Variants in PRIM2 observed in about 807,000 individuals in gnomAD.
The protein encoded by PRIM2 is DNA primase large subunit.
A neutral mutation model predicts 67.3 loss-of-function variants in PRIM2; 39 were observed. That is an observed-to-expected ratio of 0.58 (90% confidence interval 0.45 to 0.76). PRIM2 has a LOEUF of 0.76. PRIM2 is among the 30% of genes least tolerant of loss of function. The pLI is 0.00. For missense variants in PRIM2, 398 were observed against 598.7 expected (o/e 0.66, Z 3.50); for synonymous variants, 143 against 198.7 (o/e 0.72, Z 2.36).
intron 7 of PRIM2, among the ~76,000 whole-genome samples, chr6:57,387,299 CAG>C (rs1165807445): frequency 2.0e-5 from 3 of 152,134 alleles, no homozygotes; most frequent in Non-Finnish European, 2.9e-5. Flanking sequence ...ATTGAACTGA[CAG>C]ATACCAAATA....
At chr6:57,587,584 A>C (rs1776213911) in intron 10 of PRIM2, among the ~76,000 whole-genome samples, 1 of 138,726 alleles carries the variant, frequency 7.2e-6, no homozygotes, top group African/African-American at 2.6e-5. Context: ...GAAAGGCGTG[A>C]ACTCGGGAGG....
intron 10 of PRIM2, among the ~76,000 whole-genome samples, chr6:57,595,739 C>T (rs1420532597): frequency 3.3e-5 from 5 of 152,162 alleles, no homozygotes; most frequent in East Asian, 3.9e-4. Context: ...ATGTAGGAAG[C>T]GGCATGGACC....
At chr6:57,320,420 C>T (rs1767613979) in intron 2 of PRIM2, 37 bp from the exon 3 acceptor site, 3 of 1,395,602 alleles carry the variant, frequency 2.1e-6, no homozygotes, top group Non-Finnish European at 2.9e-6. Flanking sequence ...AGTTTTAAAA[C>T]ATTATCTTGC....
intron 10 of PRIM2, among the ~76,000 whole-genome samples, chr6:57,574,413 G>A (rs1218668423): frequency 6.6e-6 from 1 of 152,102 alleles, no homozygotes; most frequent in Non-Finnish European, 1.5e-5. Flanking sequence ...TTGCTTGTTT[G>A]TGTGTGCTGT....
chr6:57,295,070 CG>C, the PRIM2 span, among the ~76,000 whole-genome samples: 2 of 152,118 alleles, frequency 1.3e-5, no homozygotes, highest in African/African-American at 4.8e-5. Flanking sequence ...GAATTACAGG[CG>C]TTAGCCACCA....
chr6:57,532,280 A>G (rs1488822206), intron 8 of PRIM2, 131 bp from the exon 9 acceptor site: 3 of 420,984 alleles, frequency 7.1e-6, no homozygotes, highest in South Asian at 8.6e-5. Context: ...ACACTTGGCT[A>G]TGTTTCTGCT....
intron 7 of PRIM2, chr6:57,497,691 GT>G (rs1431445380): frequency 2.0e-5 from 3 of 152,188 alleles, no homozygotes; most frequent in African/African-American, 7.2e-5. Flanking sequence ...TGAAAATCAT[GT>G]TTGCAGTCAG....
the PRIM2 span, among the ~76,000 whole-genome samples, chr6:57,246,078 CTG>C: frequency 6.6e-6 from 1 of 152,216 alleles, no homozygotes; most frequent in Non-Finnish European, 1.5e-5. Context: ...TATCTCAACA[CTG>C]TAAAAAACTC....
chr6:57,539,869 C>T (rs1171269014), intron 10 of PRIM2, among the ~76,000 whole-genome samples: 2 of 152,056 alleles, frequency 1.3e-5, no homozygotes, highest in Admixed American at 1.3e-4. Context: ...TGGCAGGTGC[C>T]TGCAATCCCA....
At chr6:57,539,194 T>A (rs1251828660) in intron 10 of PRIM2, among the ~76,000 whole-genome samples, 1 of 152,158 alleles carries the variant, frequency 6.6e-6, no homozygotes. Context: ...AGGTAATTTA[T>A]TCTAATTATA....
At chr6:57,266,688 A>G in the PRIM2 span, among the ~76,000 whole-genome samples, 1 of 152,196 alleles carries the variant, frequency 6.6e-6, no homozygotes, top group African/African-American at 2.4e-5. Flanking sequence ...TTGAGTGTAT[A>G]TGTAGACTTT....
At chr6:57,551,622 C>G (rs1775405130) in intron 10 of PRIM2, among the ~76,000 whole-genome samples, 2 of 151,596 alleles carry the variant, frequency 1.3e-5, no homozygotes, top group South Asian at 2.1e-4. Context: ...CTACTATGTC[C>G]CAGGTGGTCT....
Position 57,614,852 on chromosome 6 carries a change from A to C in PRIM2, c.1230+8395A>C, listed in dbSNP as rs1407690879. Among the ~76,000 whole-genome samples the C allele has an allele frequency of 6.2e-3, 937 of 149,928 alleles. 5 individuals are homozygous for C. Among genetic ancestry groups the C allele is most frequent in the African/African-American group, 0.022 (884 of 41,020 alleles). Reference sequence around the variant, plus strand: ...GCAACAGAGCGAGACTCTGTCTCAAATATATATATATATGTATGTGTGTGT... The same window carrying C: ...GCAACAGAGCGAGACTCTGTCTCAACTATATATATATATGTATGTGTGTGT... On this transcript the variant is annotated intron_variant, in intron 12 of 13. Transcript: ENST00000615550.
At chr6:57,246,215 G>A in the PRIM2 span, among the ~76,000 whole-genome samples, 3 of 152,184 alleles carry the variant, frequency 2.0e-5, no homozygotes, top group Non-Finnish European at 4.4e-5. Context: ...ATTTACGGGG[G>A]AGAAGATATT....
chr6:57,470,829 T>C (rs1427737423), intron 7 of PRIM2, among the ~76,000 whole-genome samples: 2 of 152,134 alleles, frequency 1.3e-5, no homozygotes, highest in Non-Finnish European at 2.9e-5. Context: ...ATGAAAACCA[T>C]GCTTTCTTCT....
At chr6:57,281,626 G>C in the PRIM2 span, among the ~76,000 whole-genome samples, 1 of 152,080 alleles carries the variant, frequency 6.6e-6, no homozygotes, top group Admixed American at 6.6e-5. Context: ...ACTTGAATAA[G>C]AGCCTCCTGG....
chr6:57,332,552 G>A lies in PRIM2; in HGVS notation c.459+6507G>A, dbSNP rs76182045. Among the ~76,000 whole-genome samples the A allele has an allele frequency of 8.6e-3, 1,305 of 152,114 alleles. 15 individuals are homozygous for A. The highest frequency in any genetic ancestry group is 0.03 in the African/African-American group (1,245 of 41,504). On this transcript the variant is annotated intron_variant, in intron 5 of 13. Coordinates refer to ENST00000615550, the MANE Select transcript of PRIM2 (RefSeq NM_000947.5). ...CATTTATTTTGGGGCTCTCTTGTTA[G>A]TTGCATATATGTTTATAATTGTTAA...
rs1234546589 is a variant in PRIM2, at chr6:57,484,045, T to A, written c.694-23342T>A. 3.3e-5 allele frequency among the ~76,000 whole-genome samples: 5 copies of A among 152,308 alleles called. No homozygotes were observed. The East Asian group carries it at 7.7e-4, about 23-fold the overall frequency. ...CGTTAAAATAGTACTAGGCCTTACT[T>A]CCTTTTATTCATTGATTTAATAATA... On this transcript the variant is annotated intron_variant, in intron 7 of 13. Coordinates refer to ENST00000615550, the MANE Select transcript of PRIM2 (RefSeq NM_000947.5).
At chr6:57,260,982 G>T in the PRIM2 span, among the ~76,000 whole-genome samples, 2 of 152,136 alleles carry the variant, frequency 1.3e-5, no homozygotes, top group Non-Finnish European at 2.9e-5. Flanking sequence ...GGGATTGGAG[G>T]CCCCAGTGAG....
Sources: allele counts gnomAD v4.1 joint callset (sites outside exome capture counted in the v4.1 genomes callset), GRCh38; gene constraint gnomAD v4.1.1; transcripts MANE v1.5; gene names NCBI Gene and HGNC (gene_info 2026-07-23, HGNC 2026-07-21).